The following SRFBP1 variants were observed in gnomAD, a reference collection of about 807,000 sequenced individuals.
SRFBP1 encodes the protein serum response factor binding protein 1, also known as serum response factor-binding protein 1.
In SRFBP1, 47 loss-of-function variants were observed where a neutral mutation model predicts 45.5. The ratio of observed to expected loss-of-function variants is 1.03; its 90% CI spans 0.82 to 1.32. The LOEUF (loss-of-function observed/expected upper bound fraction) is 1.32. Ranked by LOEUF, SRFBP1 falls within the 40% of genes most tolerant of loss-of-function variation. The probability of loss-of-function intolerance (pLI) is 0.00; values close to 1 mark genes in which losing one functional copy is unlikely to be tolerated. For missense variants in SRFBP1, 621 were observed against 484.6 expected, an observed-to-expected ratio of 1.28 and a Z score of -2.64; for synonymous variants, 203 against 166.3, an observed-to-expected ratio of 1.22 and a Z score of -1.70.
At chr5:122,053,027 AT>A (rs1236210770) in intron 2 of SRFBP1, among the ~76,000 whole-genome samples, 1 of 151,960 alleles carries the variant, frequency 6.6e-6, no homozygotes, top group African/African-American at 2.4e-5. Flanking sequence ...GCCCCCTCCA[AT>A]TGCTGTCTCC....
chr5:121,995,728 G>T (rs975283384), intron 4 of SRFBP1, among the ~76,000 whole-genome samples: 4 of 151,942 alleles, frequency 2.6e-5, no homozygotes, highest in African/African-American at 2.4e-5. Flanking sequence ...CCAGGAGCTG[G>T]TTTTTTGAAA....
chr5:121,975,492 C>G, intron 3 of SRFBP1, 105 bp downstream of exon 3: 5 of 1,180,006 alleles, frequency 4.2e-6, no homozygotes, highest in Non-Finnish European at 3.7e-6. Context: ...CCGAGAGTTG[C>G]GTAAGACATC....
intron 3 of SRFBP1, among the ~76,000 whole-genome samples, chr5:121,975,925 T>G (rs1283838254): frequency 1.3e-5 from 2 of 151,988 alleles, no homozygotes; most frequent in African/African-American, 2.4e-5. Context: ...TTTTTAGGTC[T>G]TCTTGCTGCT....
At chr5:121,998,117 G>A (rs565336624) in intron 4 of SRFBP1, among the ~76,000 whole-genome samples, 4,140 of 150,964 alleles carry the variant, frequency 0.027, 201 homozygotes, top group African/African-American at 0.095. Flanking sequence ...CGATTCCTCA[G>A]GGATCTAGAA....
chr5:122,018,743 C>T (rs1580529211), intron 4 of SRFBP1, among the ~76,000 whole-genome samples: 2 of 152,110 alleles, frequency 1.3e-5, no homozygotes, highest in South Asian at 4.1e-4. Flanking sequence ...ATATAATGTT[C>T]CCATTCAGTC....
chr5:122,016,838 G>A (rs1486562845), intron 4 of SRFBP1, among the ~76,000 whole-genome samples: 3 of 152,112 alleles, frequency 2.0e-5, no homozygotes, highest in Non-Finnish European at 2.9e-5. Flanking sequence ...GACATTTCTT[G>A]GAAAAGGTTG....
At chr5:122,033,866 C>G (rs1224945863) in intron 2 of SRFBP1, among the ~76,000 whole-genome samples, 1 of 148,266 alleles carries the variant, frequency 6.7e-6, no homozygotes, top group East Asian at 2.0e-4. Context: ...CTTCATTGCC[C>G]AGGCTGGAGT....
chr5:121,998,799 G>T (rs1054320086), intron 4 of SRFBP1, among the ~76,000 whole-genome samples: 1 of 151,964 alleles, frequency 6.6e-6, no homozygotes, highest in Non-Finnish European at 1.5e-5. Flanking sequence ...AACCCAAAAA[G>T]AATTAAATTA....
chr5:121,994,459 T>A, intron 3 of SRFBP1, 140 bp from the exon 4 acceptor site: 1 of 622,738 alleles, frequency 1.6e-6, no homozygotes. Flanking sequence ...TTCAACTCTG[T>A]CATATTTTAT....
intron 4 of SRFBP1, among the ~76,000 whole-genome samples, chr5:121,995,447 A>C (rs1752703119): frequency 6.6e-6 from 1 of 152,192 alleles, no homozygotes; most frequent in Non-Finnish European, 1.5e-5. Flanking sequence ...GCAGAAATAA[A>C]GATGTTCTTT....
intron 2 of SRFBP1, among the ~76,000 whole-genome samples, chr5:122,048,513 T>G (rs1440450805): frequency 6.6e-6 from 1 of 152,180 alleles, no homozygotes; most frequent in Non-Finnish European, 1.5e-5. Context: ...TCTCTTTTTT[T>G]GTTGTGTCTG....
intron 2 of SRFBP1, among the ~76,000 whole-genome samples, chr5:122,057,709 T>G (rs1754107921): frequency 6.6e-6 from 1 of 152,010 alleles, no homozygotes. Flanking sequence ...CTAAAATGAT[T>G]AAGTGAAACT....
intron 4 of SRFBP1, among the ~76,000 whole-genome samples, chr5:122,010,876 G>T (rs570952731): frequency 6.6e-6 from 1 of 152,064 alleles, no homozygotes; most frequent in East Asian, 1.9e-4. Context: ...GATTTCATTT[G>T]TCTATTTTCA....
intron 3 of SRFBP1, among the ~76,000 whole-genome samples, chr5:121,976,144 ATTGAG>A (rs937558286): frequency 1.1e-4 from 16 of 152,132 alleles, no homozygotes; most frequent in African/African-American, 3.6e-4. Flanking sequence ...AACTATTTTA[ATTGAG>A]TTAAGTTATC....
chr5:122,074,793 A>G (rs943948770), intron 2 of SRFBP1, among the ~76,000 whole-genome samples: 1 of 152,226 alleles, frequency 6.6e-6, no homozygotes, highest in African/African-American at 2.4e-5. Flanking sequence ...TAAGGAAAAA[A>G]CAATGAGGAC....
chr5:121,994,562 C>A, intron 3 of SRFBP1, 37 bp from the exon 4 acceptor site: 4 of 1,366,020 alleles, frequency 2.9e-6, no homozygotes, highest in Admixed American at 1.9e-5. Context: ...TAAAAATAGA[C>A]ACATAACTAA....
At chr5:122,044,516 T>C (rs1008651580) in intron 2 of SRFBP1, among the ~76,000 whole-genome samples, 7 of 133,318 alleles carry the variant, frequency 5.3e-5, no homozygotes, top group Non-Finnish European at 1.2e-4. Context: ...GCATCTATTA[T>C]TTTTTTTTTT....
chr5:121,991,777 T>C (rs1277116053), intron 3 of SRFBP1, among the ~76,000 whole-genome samples: 1 of 152,142 alleles, frequency 6.6e-6, no homozygotes, highest in Non-Finnish European at 1.5e-5. Context: ...CTAAACACAA[T>C]TTTTACATTT....
intron 4 of SRFBP1, among the ~76,000 whole-genome samples, chr5:122,001,668 T>C (rs887441928): frequency 6.6e-6 from 1 of 150,880 alleles, no homozygotes; most frequent in Non-Finnish European, 1.5e-5. Flanking sequence ...TTCACGCCAT[T>C]CTCCTGCCTC....
Sources: allele counts gnomAD v4.1 joint callset (sites outside exome capture counted in the v4.1 genomes callset), GRCh38; gene constraint gnomAD v4.1.1; transcripts MANE v1.5; gene names NCBI Gene and HGNC (gene_info 2026-07-23, HGNC 2026-07-21).